Variants in MYO18B observed in about 807,000 individuals in gnomAD.
The protein encoded by MYO18B is unconventional myosin-XVIIIb.
Under a neutral mutation model 273.0 loss-of-function variants are expected in MYO18B, and 204 were observed. The observed-to-expected ratio is 0.75, with a 90% confidence interval of 0.67 to 0.84. The LOEUF is 0.84. MYO18B is among the 40% of genes least tolerant of loss of function. The probability of loss-of-function intolerance (pLI) is 0.00; values close to 1 mark genes in which losing one functional copy is unlikely to be tolerated. For synonymous variants in MYO18B, 1,330 were observed against 1,305.7 expected, an observed-to-expected ratio of 1.02 and a Z score of -0.40; for missense variants, 3,212 against 3,287.6, an observed-to-expected ratio of 0.98 and a Z score of 0.56.
chr22:26,027,155 CG>C lies in MYO18B; in HGVS notation c.7184del (p.Gly2395AlafsTer20). ...TGTCTGGAGTCCTCTGTGGACGATG[CG>C]GGCTGTCCAGACCTTGGAAAGGAGC... ...RRCLESSVDDAGCPDLGKEPL... is the reference protein window; with the variant it reads ...RRCLESSVDDXGCPDLGKEPL... On this transcript the variant is annotated frameshift_variant, in exon 43 of 44. Coordinates refer to ENST00000335473, the MANE Select transcript of MYO18B (RefSeq NM_032608.7). LOFTEE classifies it low-confidence loss of function (END_TRUNC). This position sits in a 1 kb window ranked among gnomAD's most constrained non-coding sequence, Gnocchi z 4.1. The C allele has an allele frequency of 6.2e-7, 1 of 1,613,994 alleles. No homozygotes were observed. The highest frequency in any genetic ancestry group is 8.5e-7 in the Non-Finnish European group (1 of 1,179,888).
intron 39 of MYO18B, among the ~76,000 whole-genome samples, chr22:25,959,978 A>G (rs1206704990): frequency 5.3e-5 from 8 of 152,164 alleles, no homozygotes; most frequent in Admixed American, 4.6e-4. Context: ...TCTCCTGTCC[A>G]CAATCCTTTC....
chr22:26,006,150 A>G (rs1934396460), intron 42 of MYO18B, among the ~76,000 whole-genome samples: 1 of 152,236 alleles, frequency 6.6e-6, no homozygotes, highest in African/African-American at 2.4e-5. Flanking sequence ...CATTAACATA[A>G]TAACCAAGTT....
chr22:26,063,292 A>C, the MYO18B span, among the ~76,000 whole-genome samples: 1 of 152,218 alleles, frequency 6.6e-6, no homozygotes, highest in African/African-American at 2.4e-5. Flanking sequence ...GGTGTAAACA[A>C]GTGGCAGAAA....
intron 40 of MYO18B, among the ~76,000 whole-genome samples, chr22:25,994,894 T>C (rs1236987375): frequency 6.6e-6 from 1 of 152,250 alleles, no homozygotes; most frequent in Non-Finnish European, 1.5e-5. Flanking sequence ...ATGTTTAAAT[T>C]ATTTTCACTT....
intron 10 of MYO18B, among the ~76,000 whole-genome samples, chr22:25,782,732 C>T (rs1478474104): frequency 6.6e-6 from 1 of 152,162 alleles, no homozygotes. Flanking sequence ...CAGCCTCAAC[C>T]TGTCTGGAGT....
intron 25 of MYO18B, among the ~76,000 whole-genome samples, chr22:25,880,793 G>A (rs1270667081): frequency 2.0e-5 from 3 of 152,238 alleles, no homozygotes; most frequent in African/African-American, 7.2e-5. Flanking sequence ...GACAGTGATG[G>A]AGGTTAAGCA....
chr22:25,809,244 G>C (rs111906599), intron 12 of MYO18B, among the ~76,000 whole-genome samples: 1 of 152,084 alleles, frequency 6.6e-6, no homozygotes, highest in African/African-American at 2.4e-5. Flanking sequence ...GCCTGGGCTG[G>C]TCTTTAACCT....
intron 22 of MYO18B, among the ~76,000 whole-genome samples, chr22:25,871,126 T>C (rs573959580): frequency 1.2e-4 from 19 of 152,110 alleles, no homozygotes; most frequent in African/African-American, 4.6e-4. Context: ...CATTGCAGGA[T>C]TGGCATGTAA....
At chr22:26,040,464 G>A in the MYO18B span, among the ~76,000 whole-genome samples, 13 of 152,162 alleles carry the variant, frequency 8.5e-5, no homozygotes, top group African/African-American at 3.1e-4. Context: ...TTACATGATA[G>A]TTGGGGGTGG....
chr22:25,860,887 A>ATTT (rs695541), intron 21 of MYO18B, among the ~76,000 whole-genome samples: 1,731 of 142,832 alleles, frequency 0.012, 30 homozygotes, highest in African/African-American at 0.041. Flanking sequence ...TATCATTGCT[A>ATTT]TTTTTTTTTT....
At chr22:25,793,043 A>G (rs2087748856) in intron 11 of MYO18B, among the ~76,000 whole-genome samples, 1 of 152,122 alleles carries the variant, frequency 6.6e-6, no homozygotes, top group African/African-American at 2.4e-5. Flanking sequence ...CTTGGGCAGC[A>G]ATGGGGAACG....
chr22:25,922,144 G>A (rs558683840), intron 34 of MYO18B, among the ~76,000 whole-genome samples: 11 of 152,206 alleles, frequency 7.2e-5, no homozygotes, highest in Admixed American at 1.3e-4. Context: ...GCAGGTGATC[G>A]GGTGGCAGAA....
At chr22:25,824,273 G>A (rs145992507) in intron 13 of MYO18B, among the ~76,000 whole-genome samples, 1 of 152,118 alleles carries the variant, frequency 6.6e-6, no homozygotes, top group African/African-American at 2.4e-5. Flanking sequence ...AAATCACCAG[G>A]TGATAGGTGG....
the MYO18B span, among the ~76,000 whole-genome samples, chr22:26,044,136 C>G: frequency 6.6e-6 from 1 of 152,128 alleles, no homozygotes; most frequent in Non-Finnish European, 1.5e-5. Context: ...GCATAATATT[C>G]TTGCGTGATG....
intron 34 of MYO18B, among the ~76,000 whole-genome samples, chr22:25,925,459 G>A (rs2092406466): frequency 6.6e-6 from 1 of 152,144 alleles, no homozygotes; most frequent in Admixed American, 6.6e-5. Context: ...GTTAATTTTT[G>A]AGTAGAGAAA....
At chr22:25,921,614 C>T (rs560958745) in intron 34 of MYO18B, among the ~76,000 whole-genome samples, 57 of 151,998 alleles carry the variant, frequency 3.8e-4, no homozygotes, top group Non-Finnish European at 7.5e-4. Context: ...GAGTCCTGTT[C>T]CCTTTTTCAG....
intron 14 of MYO18B, 141 bp downstream of exon 14, chr22:25,826,640 A>C: frequency 1.5e-6 from 1 of 649,088 alleles, no homozygotes; most frequent in South Asian, 2.0e-5. Flanking sequence ...TTTAACTTCT[A>C]CCTTGGCCAC....
chr22:25,904,827 G>A (rs1050716001), intron 31 of MYO18B, among the ~76,000 whole-genome samples: 5 of 151,984 alleles, frequency 3.3e-5, no homozygotes, highest in South Asian at 4.2e-4. Flanking sequence ...GAGGGTGGGG[G>A]CAGTGAATTA....
rs537650065 is a variant in MYO18B, at chr22:25,874,050, A to G, written c.3952-236A>G. 2.2e-4 allele frequency among the ~76,000 whole-genome samples: 34 copies of G among 152,352 alleles called. 1 individual carries two copies. The South Asian group carries it at 5.4e-3, about 24-fold the overall frequency. On this transcript the variant is annotated intron_variant, in intron 22 of 43. Coordinates refer to ENST00000335473, the MANE Select transcript of MYO18B (RefSeq NM_032608.7). ...TCCAACAAGCACCCAGGTGGTGCCA[A>G]TGCCACTGGTGCGTGGGCCACACTG...
Sources: allele counts gnomAD v4.1 joint callset (sites outside exome capture counted in the v4.1 genomes callset), GRCh38; gene constraint gnomAD v4.1.1; non-coding constraint Gnocchi (gnomAD v3.1); transcripts MANE v1.5; gene names NCBI Gene and HGNC (gene_info 2026-07-23, HGNC 2026-07-21).